TBCK: variants seen among roughly 807,000 people sequenced by gnomAD.
TBCK encodes TBC1 domain containing kinase.
Under a neutral mutation model 113.4 loss-of-function variants are expected in TBCK, and 99 were observed. That is an observed-to-expected ratio of 0.87 (90% confidence interval 0.74 to 1.03). The LOEUF is 1.03. Among genes scored for constraint, TBCK ranks in the 50% least tolerant of loss-of-function variants. The pLI, the probability that TBCK is intolerant of heterozygous loss-of-function variation, is 0.00. For missense variants in TBCK, 1,045 were observed against 1,061.3 expected, an observed-to-expected ratio of 0.98 and a Z score of 0.21; for synonymous variants, 369 against 370.8, an observed-to-expected ratio of 1.00 and a Z score of 0.05.
At chr4:106,194,396 T>G (rs1039846085) in intron 21 of TBCK, among the ~76,000 whole-genome samples, 1 of 152,130 alleles carries the variant, frequency 6.6e-6, no homozygotes, top group African/African-American at 2.4e-5. Flanking sequence ...GAAGAATCTC[T>G]GAAAATTAAG....
Position 106,042,969 on chromosome 4 carries a change from G to T in TBCK, c.*3601C>A, listed in dbSNP as rs1733949329. The T allele has an allele frequency of 6.6e-6, 1 of 152,114 alleles. No individual in the cohort carries two copies. Among genetic ancestry groups the T allele is most frequent in the Non-Finnish European group, 1.5e-5 (1 of 68,020 alleles). The allele number at this position is 152,114 out of a possible 1,614,324, so 9.4% of individuals were successfully genotyped here. A position where few individuals can be genotyped will look rare whatever the true frequency, so the allele number is the denominator to read the frequency against. On this transcript the variant is annotated 3_prime_UTR_variant, in exon 26 of 26. Coordinates refer to ENST00000394708, the MANE Select transcript of TBCK (RefSeq NM_001163435.3). The stretch of plus-strand genomic sequence containing the variant: ...TCATGGAGCGGAGTTCCTTGAGACG[G>T]TCACTTCATAAAGAGGTCTTAATTA...
chr4:106,251,805 A>G (rs964575932), intron 6 of TBCK, 61 bp downstream of exon 6: 2 of 1,365,738 alleles, frequency 1.5e-6, no homozygotes, highest in African/African-American at 3.0e-5. Flanking sequence ...TTCCTCTCCA[A>G]AAGATTATTC....
chr4:106,141,207 A>G lies in TBCK; in HGVS notation c.2236-24829T>C, dbSNP rs953560038. Among the ~76,000 whole-genome samples the G allele has an allele frequency of 1.4e-5, 2 of 140,650 alleles. 1 individual carries two copies. Among genetic ancestry groups the G allele is most frequent in the Admixed American group, 1.4e-4 (2 of 14,166 alleles). The allele number at this position is 140,650 out of a possible 152,430, so 92.3% of individuals were successfully genotyped here. A position where few individuals can be genotyped will look rare whatever the true frequency, so the allele number is the denominator to read the frequency against. On this transcript the variant is annotated intron_variant, in intron 23 of 25. Transcript: ENST00000394708. ...AAGCAATTAAATAATAGAAAGATATAAGATGTATAAAATTGAAAAAGGTAA... is the reference window on the plus strand; with the variant it reads ...AAGCAATTAAATAATAGAAAGATATGAGATGTATAAAATTGAAAAAGGTAA...
chr4:106,195,484 GTGTGTGTT>G (rs912040999), intron 20 of TBCK, among the ~76,000 whole-genome samples: 38 of 151,158 alleles, frequency 2.5e-4, no homozygotes, highest in African/African-American at 9.3e-4. Context: ...CTGGTTAAAT[GTGTGTGTT>G]TGTGTGTGTG....
intron 25 of TBCK, among the ~76,000 whole-genome samples, chr4:106,070,378 C>T (rs9685464): frequency 0.32 from 48,872 of 151,684 alleles, 8,061 homozygotes; most frequent in African/African-American, 0.37. Flanking sequence ...CAAAGGTGTT[C>T]TCTGCATCTA....
At chr4:106,213,918 CACAG>C (rs1018447937) in intron 19 of TBCK, 4 of 152,838 alleles carry the variant, frequency 2.6e-5, no homozygotes, top group African/African-American at 7.2e-5. Flanking sequence ...GGGGGCAGGG[CACAG>C]ACAAACAAAA....
At chr4:106,228,486 A>T (rs1758486335) in intron 19 of TBCK, among the ~76,000 whole-genome samples, 1 of 152,006 alleles carries the variant, frequency 6.6e-6, no homozygotes, top group African/African-American at 2.4e-5. Context: ...ATAAGTGAGA[A>T]CATGTGAAGC....
At chr4:106,146,346 C>T (rs538049670) in intron 23 of TBCK, among the ~76,000 whole-genome samples, 19 of 151,990 alleles carry the variant, frequency 1.3e-4, no homozygotes, top group Non-Finnish European at 2.6e-4. Flanking sequence ...AATGCAGAAA[C>T]AGAAAACCAA....
chr4:106,302,183 G>A (rs1297581630), intron 2 of TBCK, among the ~76,000 whole-genome samples: 1 of 152,092 alleles, frequency 6.6e-6, no homozygotes, highest in East Asian at 1.9e-4. Flanking sequence ...ACATATTCAT[G>A]ACCTATGTTA....
At chr4:106,272,730 C>T (rs1304155770) in intron 3 of TBCK, among the ~76,000 whole-genome samples, 1 of 151,926 alleles carries the variant, frequency 6.6e-6, no homozygotes, top group Non-Finnish European at 1.5e-5. Context: ...CTCCTGACCT[C>T]GTGATCTGCC....
In TBCK at chr4:106,144,546, A is replaced by T. The variant is rs72677331; in HGVS notation, c.2235+26549T>A. ...TGAAGTGTTGAAAAGTGCCTGGCAC[A>T]TGGTAGGTGTACAATAAATGCTGAA... On this transcript the variant is annotated intron_variant, in intron 23 of 25. Coordinates refer to ENST00000394708, the MANE Select transcript of TBCK (RefSeq NM_001163435.3). Among the ~76,000 whole-genome samples, 1,321 of 152,320 alleles carry T rather than the reference A, an allele frequency of 8.7e-3. 13 individuals carry two copies. Among genetic ancestry groups the T allele is most frequent in the Non-Finnish European group, 0.014 (930 of 68,024 alleles).
chr4:106,316,551 C>T, upstream of TBCK: 2 of 1,551,630 alleles, frequency 1.3e-6, no homozygotes, highest in South Asian at 1.2e-5. Flanking sequence ...GACCTACATG[C>T]TTCCTGCTGT....
intron 25 of TBCK, among the ~76,000 whole-genome samples, chr4:106,056,101 T>C (rs1735352469): frequency 6.6e-6 from 1 of 151,274 alleles, no homozygotes; most frequent in Non-Finnish European, 1.5e-5. Context: ...AATGCTCAGC[T>C]GATTATTTTT....
At chr4:106,069,857 C>T (rs1737153387) in intron 25 of TBCK, among the ~76,000 whole-genome samples, 1 of 152,182 alleles carries the variant, frequency 6.6e-6, no homozygotes, top group African/African-American at 2.4e-5. Flanking sequence ...AGAGGTCCTT[C>T]ACATCTCTTG....
At chr4:106,166,220 A>C (rs1026654542) in intron 23 of TBCK, among the ~76,000 whole-genome samples, 1 of 151,716 alleles carries the variant, frequency 6.6e-6, no homozygotes, top group South Asian at 2.1e-4. Context: ...TTCAGATAAA[A>C]AAGAACAAAA....
At chr4:106,064,610 T>C (rs979816429) in intron 25 of TBCK, among the ~76,000 whole-genome samples, 3 of 151,924 alleles carry the variant, frequency 2.0e-5, no homozygotes, top group Non-Finnish European at 4.4e-5. Flanking sequence ...TAGATATCCT[T>C]TTGAATGTGA....
At chr4:106,069,754 T>C (rs1737140300) in intron 25 of TBCK, among the ~76,000 whole-genome samples, 1 of 152,260 alleles carries the variant, frequency 6.6e-6, no homozygotes, top group Non-Finnish European at 1.5e-5. Flanking sequence ...ATTTTCACGA[T>C]ATGGATTCTT....
At chr4:106,150,327 C>T (rs904512269) in intron 23 of TBCK, among the ~76,000 whole-genome samples, 1 of 152,140 alleles carries the variant, frequency 6.6e-6, no homozygotes, top group Admixed American at 6.6e-5. Context: ...GATATTTTCC[C>T]CCATATGAAT....
intron 25 of TBCK, among the ~76,000 whole-genome samples, chr4:106,061,648 G>A (rs1004156242): frequency 1.3e-5 from 2 of 149,884 alleles, no homozygotes; most frequent in Admixed American, 6.6e-5. Context: ...TATCTTTGAG[G>A]TGTGCCTGTG....
Sources: gnomAD v4.1 joint callset for allele counts (sites outside exome capture counted in the v4.1 genomes callset) on GRCh38, gnomAD v4.1.1 for gene constraint, MANE v1.5 for transcripts, NCBI Gene and HGNC (gene_info 2026-07-23, HGNC 2026-07-21) for gene names.